Variants in CCL17 observed in about 807,000 individuals in gnomAD.
CCL17 encodes the protein C-C motif chemokine ligand 17.
Under a neutral mutation model 7.4 loss-of-function variants are expected in CCL17, and 8 were observed. The observed-to-expected ratio is 1.09, with a 90% CI of 0.64 to 1.96. CCL17 has a LOEUF of 1.96. Ranked by LOEUF, CCL17 falls within the 30% of genes most tolerant of loss-of-function variation. The pLI, the probability that CCL17 is intolerant of heterozygous loss-of-function variation, is 0.00. For synonymous variants in CCL17, 40 were observed against 46.1 expected, an observed-to-expected ratio of 0.87 and a Z score of 0.54; for missense variants, 102 against 113.0, an observed-to-expected ratio of 0.90 and a Z score of 0.44.
upstream of CCL17, among the ~76,000 whole-genome samples, chr16:57,403,621 A>ATATATATTATATATATTTATAAT (rs1902650239): frequency 1.4e-5 from 1 of 71,580 alleles, no homozygotes; most frequent in African/African-American, 5.5e-5. Flanking sequence ...TATATTTATA[A>ATATATATTATATATATTTATAAT]TATATATTAT....
chr16:57,408,816 C>T (rs1013466769), intron 1 of CCL17, among the ~76,000 whole-genome samples: 23 of 151,892 alleles, frequency 1.5e-4, no homozygotes, highest in Non-Finnish European at 3.1e-4. Flanking sequence ...CCTTGTGATC[C>T]GCCTGCCTCA....
chr16:57,410,389 C>T (rs1302198419), intron 1 of CCL17, among the ~76,000 whole-genome samples: 1 of 152,128 alleles, frequency 6.6e-6, no homozygotes, highest in Non-Finnish European at 1.5e-5. Flanking sequence ...GTTACCACAG[C>T]CGCTCCTCCC....
upstream of CCL17, among the ~76,000 whole-genome samples, chr16:57,399,964 G>C (rs1399662356): frequency 2.0e-5 from 3 of 152,168 alleles, no homozygotes; most frequent in Non-Finnish European, 4.4e-5. Flanking sequence ...CTTTAATCGA[G>C]TGCTGCAACC....
At chr16:57,405,094 C>T (rs8058386) in intron 1 of CCL17, among the ~76,000 whole-genome samples, 2,163 of 152,232 alleles carry the variant, frequency 0.014, 57 homozygotes, top group African/African-American at 0.048. Context: ...ATGGAAGGTA[C>T]AGCTTCAAGA....
intron 1 of CCL17, among the ~76,000 whole-genome samples, chr16:57,410,880 C>A (rs765790943): frequency 1.3e-5 from 2 of 152,212 alleles, no homozygotes; most frequent in Non-Finnish European, 2.9e-5. Context: ...ATGCCAGGCA[C>A]CATGCTTGGT....
chr16:57,410,332 C>G (rs1267991539), intron 1 of CCL17, among the ~76,000 whole-genome samples: 1 of 152,196 alleles, frequency 6.6e-6, no homozygotes, highest in African/African-American at 2.4e-5. Flanking sequence ...CGGCAGGTGC[C>G]TGGGTGGTGT....
upstream of CCL17, among the ~76,000 whole-genome samples, chr16:57,403,666 A>T (rs184349592): frequency 0.1 from 9,392 of 89,620 alleles, 1,245 homozygotes; most frequent in African/African-American, 0.32. Context: ...ATATATATAT[A>T]TATTTTTTGA....
At chr16:57,399,693 G>GC in the CCL17 span, among the ~76,000 whole-genome samples, 1 of 152,124 alleles carries the variant, frequency 6.6e-6, no homozygotes. Flanking sequence ...CAGGTGATCT[G>GC]CCCCCTTGGC....
chr16:57,403,619 T>TA (rs1294756242), upstream of CCL17, among the ~76,000 whole-genome samples: 180 of 76,714 alleles, frequency 2.3e-3, no homozygotes, highest in African/African-American at 8.3e-3. Flanking sequence ...TATATATTTA[T>TA]AATATATATT....
At chr16:57,403,154 TATAATATATATTATTATC>T (rs1567560760), upstream of CCL17, among the ~76,000 whole-genome samples, 249 of 88,852 alleles carry the variant, frequency 2.8e-3, 2 homozygotes, top group African/African-American at 0.011. Flanking sequence ...CTATAATATA[TATAATATATATTATTATC>T]TATAATATAT....
the CCL17 span, among the ~76,000 whole-genome samples, chr16:57,398,246 G>C: frequency 6.6e-6 from 1 of 152,082 alleles, no homozygotes; most frequent in African/African-American, 2.4e-5. Context: ...GGCCACCACC[G>C]CAACTACCCA....
chr16:57,399,118 T>C, the CCL17 span, among the ~76,000 whole-genome samples: 1 of 152,200 alleles, frequency 6.6e-6, no homozygotes, highest in Non-Finnish European at 1.5e-5. Context: ...TACTGCCTCA[T>C]TGATGAGTCT....
At chr16:57,403,546 ATATTTTAT>A (rs1902642564), upstream of CCL17, among the ~76,000 whole-genome samples, 9 of 35,978 alleles carry the variant, frequency 2.5e-4, 1 homozygote, top group African/African-American at 1.3e-3. Flanking sequence ...TTATAAATAT[ATATTTTAT>A]ATATATATAA....
upstream of CCL17, among the ~76,000 whole-genome samples, chr16:57,399,938 G>A (rs1215500624): frequency 6.6e-6 from 1 of 152,192 alleles, no homozygotes; most frequent in Non-Finnish European, 1.5e-5. Context: ...GAGACACCAA[G>A]TATTGCCAAG....
chr16:57,405,761 C>T (rs1266276137), intron 1 of CCL17, among the ~76,000 whole-genome samples: 1 of 151,710 alleles, frequency 6.6e-6, no homozygotes, highest in Non-Finnish European at 1.5e-5. Flanking sequence ...AGGCCAGGTG[C>T]GGTGGCTCAC....
At chr16:57,408,722 C>T (rs1246315758) in intron 1 of CCL17, among the ~76,000 whole-genome samples, 9 of 137,314 alleles carry the variant, frequency 6.6e-5, no homozygotes, top group African/African-American at 2.8e-4. Context: ...GCACACGCCA[C>T]CACACCCAGC....
intron 1 of CCL17, among the ~76,000 whole-genome samples, chr16:57,412,810 A>G (rs1243706038): frequency 2.6e-5 from 4 of 152,134 alleles, no homozygotes; most frequent in African/African-American, 9.7e-5. Flanking sequence ...GGGAGCCCCA[A>G]CAGGGCGACC....
At chr16:57,399,833 T>C (rs772043679), upstream of CCL17, among the ~76,000 whole-genome samples, 6 of 152,184 alleles carry the variant, frequency 3.9e-5, no homozygotes, top group Non-Finnish European at 8.8e-5. Context: ...GTCATCCCTG[T>C]CACAGCTCAA....
intron 1 of CCL17, among the ~76,000 whole-genome samples, chr16:57,412,727 C>T (rs41501251): frequency 0.015 from 2,277 of 152,200 alleles, 33 homozygotes; most frequent in Middle Eastern, 0.092. Flanking sequence ...TGGAGCTGCC[C>T]TTCCCTGGTG....
Sources: allele counts gnomAD v4.1 joint callset (sites outside exome capture counted in the v4.1 genomes callset), GRCh38; gene constraint gnomAD v4.1.1; transcripts MANE v1.5; gene names NCBI Gene and HGNC (gene_info 2026-07-23, HGNC 2026-07-21).